The following NEGR1 variants were observed in gnomAD, a reference collection of about 807,000 sequenced individuals.
NEGR1 encodes IgLON family member 4.
A neutral mutation model predicts 40.9 loss-of-function variants in NEGR1; 10 were observed. The ratio of observed to expected loss-of-function variants is 0.24; its 90% CI spans 0.15 to 0.42. NEGR1 has a LOEUF of 0.42. NEGR1 is among the 10% of genes least tolerant of loss of function. The probability of loss-of-function intolerance (pLI) is 1.00; values close to 1 mark genes in which losing one functional copy is unlikely to be tolerated. For synonymous variants in NEGR1, 185 were observed against 166.8 expected (o/e 1.11, Z -0.84); for missense variants, 352 against 438.9 (o/e 0.80, Z 1.77).
At chr1:72,007,894 G>C (rs1423065051) in intron 1 of NEGR1, among the ~76,000 whole-genome samples, 1 of 151,980 alleles carries the variant, frequency 6.6e-6, no homozygotes, top group Non-Finnish European at 1.5e-5. Context: ...AATATGTCAA[G>C]TTAGCCATTT....
intron 2 of NEGR1, among the ~76,000 whole-genome samples, chr1:71,797,238 T>G (rs1570359432): frequency 6.6e-6 from 1 of 152,160 alleles, no homozygotes; most frequent in East Asian, 1.9e-4. Flanking sequence ...TTAACCTAAT[T>G]CTAAGAGAAG....
At chr1:72,075,163 T>C (rs936524903) in intron 1 of NEGR1, among the ~76,000 whole-genome samples, 2 of 152,136 alleles carry the variant, frequency 1.3e-5, no homozygotes, top group African/African-American at 4.8e-5. Context: ...AACCACCACA[T>C]AGATATAGAG....
chr1:71,732,974 C>G (rs1180010348), intron 3 of NEGR1, among the ~76,000 whole-genome samples: 2 of 152,034 alleles, frequency 1.3e-5, no homozygotes, highest in African/African-American at 2.4e-5. Flanking sequence ...TTCCTTATTA[C>G]TGGACTTCCA....
intron 1 of NEGR1, among the ~76,000 whole-genome samples, chr1:72,216,605 T>C (rs2100473716): frequency 6.6e-6 from 1 of 151,130 alleles, no homozygotes; most frequent in East Asian, 1.9e-4. Context: ...ATATAAATTA[T>C]TAACTTTGAA....
At chr1:71,943,080 A>T (rs1276726413) in intron 1 of NEGR1, among the ~76,000 whole-genome samples, 1 of 146,210 alleles carries the variant, frequency 6.8e-6, no homozygotes, top group Non-Finnish European at 1.5e-5. Flanking sequence ...ATATGTGTAT[A>T]TATATACACA....
intron 2 of NEGR1, among the ~76,000 whole-genome samples, chr1:71,852,817 G>A (rs1318790355): frequency 6.6e-6 from 1 of 150,648 alleles, no homozygotes; most frequent in African/African-American, 2.4e-5. Context: ...TGATGTGAAT[G>A]TTATTCCAAA....
At chr1:71,658,833 A>T (rs1452593407) in intron 4 of NEGR1, among the ~76,000 whole-genome samples, 1 of 152,210 alleles carries the variant, frequency 6.6e-6, no homozygotes, top group African/African-American at 2.4e-5. Flanking sequence ...CTTGACAGTT[A>T]TGTAAAAACA....
intron 1 of NEGR1, among the ~76,000 whole-genome samples, chr1:72,210,002 T>C (rs1653541102): frequency 6.6e-6 from 1 of 151,960 alleles, no homozygotes; most frequent in Admixed American, 6.6e-5. Context: ...TATTCACTTG[T>C]ATAAAATAAA....
chr1:71,545,480 T>A (rs1385203973), intron 6 of NEGR1, among the ~76,000 whole-genome samples: 1 of 151,708 alleles, frequency 6.6e-6, no homozygotes, highest in Non-Finnish European at 1.5e-5. Context: ...AAAAATCCAG[T>A]CTTGTAGATT....
chr1:72,157,124 G>A (rs560708834), intron 1 of NEGR1, among the ~76,000 whole-genome samples: 1 of 151,960 alleles, frequency 6.6e-6, no homozygotes, highest in African/African-American at 2.4e-5. Flanking sequence ...CACCTTGTCT[G>A]GCTATGTTTT....
chr1:72,061,985 T>C (rs1043613425), intron 1 of NEGR1, among the ~76,000 whole-genome samples: 1 of 151,860 alleles, frequency 6.6e-6, no homozygotes, highest in African/African-American at 2.4e-5. Flanking sequence ...GAGATCATTT[T>C]CCATCATATG....
At chr1:71,715,401 C>T (rs1430731583) in intron 3 of NEGR1, among the ~76,000 whole-genome samples, 1 of 152,192 alleles carries the variant, frequency 6.6e-6, no homozygotes, top group African/African-American at 2.4e-5. Flanking sequence ...CAAACTTCTG[C>T]AGTGGTCTTG....
intron 2 of NEGR1, among the ~76,000 whole-genome samples, chr1:71,806,299 C>A (rs913538016): frequency 6.6e-6 from 1 of 151,932 alleles, no homozygotes; most frequent in Non-Finnish European, 1.5e-5. Flanking sequence ...TGAATTTTTA[C>A]AATCATCTTA....
At chr1:71,943,743 C>A (rs28530637) in intron 1 of NEGR1, among the ~76,000 whole-genome samples, 2,726 of 152,110 alleles carry the variant, frequency 0.018, 74 homozygotes, top group African/African-American at 0.062. Flanking sequence ...TAATTACTAT[C>A]CTCTTATCCC....
chr1:72,273,987 G>A (rs1387390739), intron 1 of NEGR1, among the ~76,000 whole-genome samples: 1 of 146,902 alleles, frequency 6.8e-6, no homozygotes, highest in Non-Finnish European at 1.5e-5. Flanking sequence ...ACAAACCCAC[G>A]TGTTGTTCTT....
intron 2 of NEGR1, among the ~76,000 whole-genome samples, chr1:71,898,889 TATA>T (rs1374503882): frequency 3.7e-5 from 5 of 135,828 alleles, no homozygotes; most frequent in African/African-American, 1.4e-4. Flanking sequence ...CAAATATATA[TATA>T]TTGCAAATAT....
At chr1:71,503,276 T>C (rs1270768710) in intron 6 of NEGR1, among the ~76,000 whole-genome samples, 2 of 152,132 alleles carry the variant, frequency 1.3e-5, no homozygotes, top group Non-Finnish European at 2.9e-5. Flanking sequence ...CCCATCCTCA[T>C]AGGAGGAGAT....
chr1:71,575,198 G>T (rs966522070), intron 6 of NEGR1, among the ~76,000 whole-genome samples: 1 of 152,162 alleles, frequency 6.6e-6, no homozygotes, highest in African/African-American at 2.4e-5. Context: ...AATTGATTAA[G>T]AGCCTGGTAA....
chr1:71,936,945 T>C (rs902023057), intron 1 of NEGR1, among the ~76,000 whole-genome samples: 4 of 152,182 alleles, frequency 2.6e-5, no homozygotes, highest in African/African-American at 9.7e-5. Flanking sequence ...CTTAAATGAG[T>C]ACAAAGCACA....
Sources: gnomAD v4.1 joint callset for allele counts (sites outside exome capture counted in the v4.1 genomes callset) on GRCh38, gnomAD v4.1.1 for gene constraint, MANE v1.5 for transcripts, NCBI Gene and HGNC (gene_info 2026-07-23, HGNC 2026-07-21) for gene names.